Variants in CDH2 observed in about 807,000 individuals in gnomAD.
CDH2 encodes the protein cadherin 2.
In CDH2, 17 loss-of-function variants were observed where a neutral mutation model predicts 92.0. That is an observed-to-expected ratio of 0.18 (90% confidence interval 0.13 to 0.28). The LOEUF is 0.28. Among genes scored for constraint, CDH2 ranks in the 10% least tolerant of loss-of-function variants. CDH2 has a pLI of 1.00. For missense variants in CDH2, 862 were observed against 1,133.1 expected, an observed-to-expected ratio of 0.76 and a Z score of 3.44; for synonymous variants, 419 against 415.9, an observed-to-expected ratio of 1.01 and a Z score of -0.09.
chr18:28,040,982 C>T (rs2013936706), intron 2 of CDH2, among the ~76,000 whole-genome samples: 1 of 152,070 alleles, frequency 6.6e-6, no homozygotes, highest in Admixed American at 6.5e-5. Flanking sequence ...AAGTACCAGA[C>T]CCAGGATGAC....
At chr18:27,993,445 C>T (rs1238124147) in intron 8 of CDH2, 55 bp downstream of exon 8, 2 of 1,560,512 alleles carry the variant, frequency 1.3e-6, no homozygotes, top group Non-Finnish European at 1.7e-6. Context: ...CATGACCAAC[C>T]TTCTCAGTAA....
intron 6 of CDH2, among the ~76,000 whole-genome samples, chr18:27,936,554 G>A (rs10469051): frequency 6.6e-6 from 1 of 151,396 alleles, no homozygotes; most frequent in Non-Finnish European, 1.5e-5. Context: ...CTCCAAGACA[G>A]AATCTCACTC....
chr18:28,113,738 A>G (rs1431556021), intron 2 of CDH2, among the ~76,000 whole-genome samples: 1 of 152,294 alleles, frequency 6.6e-6, no homozygotes, highest in Admixed American at 6.5e-5. Context: ...TCTGAAAAAA[A>G]GACAGGGAAT....
intron 1 of CDH2, among the ~76,000 whole-genome samples, chr18:28,152,922 G>A (rs912088232): frequency 2.0e-5 from 3 of 152,160 alleles, no homozygotes; most frequent in Admixed American, 1.3e-4. Flanking sequence ...TTCTGAGGCA[G>A]GGACTCACTG....
chr18:28,141,244 A>C (rs1016086621), intron 2 of CDH2, among the ~76,000 whole-genome samples: 1 of 152,032 alleles, frequency 6.6e-6, no homozygotes, highest in African/African-American at 2.4e-5. Flanking sequence ...TACATTTAGC[A>C]GTGCAAAAGA....
chr18:28,111,805 T>C (rs1300561656), intron 2 of CDH2, among the ~76,000 whole-genome samples: 1 of 152,210 alleles, frequency 6.6e-6, no homozygotes, highest in Non-Finnish European at 1.5e-5. Flanking sequence ...TCTTTCAAGT[T>C]TTTTTTCTCA....
intron 2 of CDH2, among the ~76,000 whole-genome samples, chr18:28,055,307 G>C (rs12957702): frequency 0.21 from 31,686 of 152,056 alleles, 3,828 homozygotes; most frequent in Non-Finnish European, 0.27. Flanking sequence ...CAACATGCGG[G>C]AATTATGGGA....
At chr18:28,140,333 T>C (rs1293674357) in intron 2 of CDH2, among the ~76,000 whole-genome samples, 2 of 151,932 alleles carry the variant, frequency 1.3e-5, no homozygotes, top group African/African-American at 2.4e-5. Context: ...ATTAAAAACA[T>C]TTGTGCATCA....
chr18:28,055,745 T>C (rs1045251724), intron 2 of CDH2, among the ~76,000 whole-genome samples: 1 of 152,220 alleles, frequency 6.6e-6, no homozygotes, highest in Admixed American at 6.5e-5. Flanking sequence ...CTAACTGCTA[T>C]ATATATACTT....
intron 2 of CDH2, among the ~76,000 whole-genome samples, chr18:28,145,767 T>C (rs897588929): frequency 5.3e-5 from 8 of 151,986 alleles, no homozygotes; most frequent in African/African-American, 1.9e-4. Context: ...ACGATGCTGG[T>C]ATCCTTTAAC....
At chr18:27,962,708 A>G (rs2011439730) in intron 15 of CDH2, among the ~76,000 whole-genome samples, 1 of 152,230 alleles carries the variant, frequency 6.6e-6, no homozygotes, top group African/African-American at 2.4e-5. Flanking sequence ...AGCACAAATC[A>G]TTGAACTTCA....
intron 2 of CDH2, chr18:28,146,841 G>A (rs1374563809): frequency 6.6e-6 from 1 of 151,980 alleles, no homozygotes; most frequent in Non-Finnish European, 1.5e-5. Context: ...AGATTTGTGG[G>A]GAATTAAAAT....
At chr18:28,029,679 T>A (rs376304194) in intron 2 of CDH2, among the ~76,000 whole-genome samples, 1 of 152,134 alleles carries the variant, frequency 6.6e-6, no homozygotes, top group Non-Finnish European at 1.5e-5. Context: ...TTAATTGCCA[T>A]ACACTGTAAC....
rs902275105 is a variant in CDH2 at position 27,985,065 on chromosome 18, A to C, written c.2144T>G (p.Ile715Ser). ...SNGDCTDVDR[I>S]VGAGLGTGAI... ...ACCGGTGCCAAGCCCCGCACCCACA[A>C]TCCTGTCCACATCTGTGCAGTCCCC... Residue 715 changes from isoleucine (I) to serine (S), a missense_variant, in exon 13 of 16, where the codon ATT becomes AGT. By Grantham distance (142) the Ile-to-Ser change is moderately radical. Around this residue, in one of 5 missense-constraint regions of CDH2, gnomAD observed 564 missense variants for 722.2 expected, o/e 0.78. Transcript: ENST00000269141. 1.2e-6 allele frequency: 2 copies of C among 1,614,116 alleles called. No homozygotes were observed. Among genetic ancestry groups the C allele is most frequent in the Non-Finnish European group, 1.7e-6 (2 of 1,180,014 alleles).
chr18:28,145,729 A>C (rs2016025054), intron 2 of CDH2, among the ~76,000 whole-genome samples: 1 of 152,120 alleles, frequency 6.6e-6, no homozygotes. Flanking sequence ...CTACTAATCA[A>C]TATTTTAAAC....
intron 2 of CDH2, among the ~76,000 whole-genome samples, chr18:28,112,524 C>T (rs2015429444): frequency 6.6e-6 from 1 of 152,190 alleles, no homozygotes; most frequent in African/African-American, 2.4e-5. Flanking sequence ...CTCATAACTT[C>T]AAACGCACTT....
intron 2 of CDH2, among the ~76,000 whole-genome samples, chr18:28,038,889 C>A (rs17493954): frequency 8.1e-4 from 124 of 152,276 alleles, no homozygotes; most frequent in African/African-American, 2.9e-3. Flanking sequence ...AAGAGCACGA[C>A]TGCTGGTGCA....
At chr18:27,993,438 G>A in intron 8 of CDH2, 62 bp downstream of exon 8, 3 of 1,535,188 alleles carry the variant, frequency 2.0e-6, no homozygotes, top group Non-Finnish European at 1.8e-6. Flanking sequence ...TATTATTCAT[G>A]ACCAACCTTC....
At chr18:28,029,601 T>C (rs771908001) in intron 2 of CDH2, among the ~76,000 whole-genome samples, 1 of 152,106 alleles carries the variant, frequency 6.6e-6, no homozygotes, top group East Asian at 1.9e-4. Flanking sequence ...TGGGCTGACA[T>C]TTCCTCTTGC....
Sources: gnomAD v4.1 joint callset for allele counts (sites outside exome capture counted in the v4.1 genomes callset) on GRCh38, gnomAD v4.1.1 for gene constraint, gnomAD v4.1.1 regional missense constraint, MANE v1.5 for transcripts, NCBI Gene and HGNC (gene_info 2026-07-23, HGNC 2026-07-21) for gene names.